The following ZZEF1 variants were observed in gnomAD, a reference collection of about 807,000 sequenced individuals.
The protein encoded by ZZEF1 is zinc finger ZZ-type and EF-hand domain containing 1.
ZZEF1 carries 157 observed loss-of-function variants against 342.8 expected under a neutral mutation model. The ratio of observed to expected loss-of-function variants is 0.46; its 90% CI spans 0.40 to 0.52. ZZEF1 has a LOEUF of 0.52. Among genes scored for constraint, ZZEF1 ranks in the 20% least tolerant of loss-of-function variants. The pLI is 0.00. For missense variants in ZZEF1, 3,480 were observed against 3,725.6 expected (o/e 0.93, Z 1.72); for synonymous variants, 1,505 against 1,429.1 (o/e 1.05, Z -1.20).
At chr17:4,042,683 A>C in intron 38 of ZZEF1, 115 bp from the exon 39 acceptor site, 2 of 1,189,376 alleles carry the variant, frequency 1.7e-6, no homozygotes, top group Non-Finnish European at 2.3e-6. Flanking sequence ...GATTTTATTC[A>C]TTTATTTTTT....
chr17:4,012,171 T>G (rs142077261), intron 52 of ZZEF1, among the ~76,000 whole-genome samples: 1 of 152,338 alleles, frequency 6.6e-6, no homozygotes, highest in East Asian at 1.9e-4. Context: ...GTTCCATGTT[T>G]CATAAGCACT....
chr17:4,024,841 C>T, intron 43 of ZZEF1, 78 bp downstream of exon 43: 3 of 1,362,358 alleles, frequency 2.2e-6, no homozygotes, highest in South Asian at 1.2e-5. Context: ...AATCAGATGG[C>T]ATTTCCTCCT....
intron 23 of ZZEF1, among the ~76,000 whole-genome samples, 159 bp downstream of exon 23, chr17:4,074,938 G>C (rs1011525970): frequency 1.3e-5 from 2 of 152,236 alleles, no homozygotes; most frequent in African/African-American, 4.8e-5. Context: ...ACAGGTGACA[G>C]ACTATAGCTG....
chr17:4,009,199 T>C (rs1345123077), intron 53 of ZZEF1: 1 of 583,236 alleles, frequency 1.7e-6, no homozygotes, highest in African/African-American at 1.9e-5. Context: ...CTCAAGCCAG[T>C]TTCCTCATGT....
chr17:4,048,484 C>A (rs1477077400), intron 37 of ZZEF1, among the ~76,000 whole-genome samples: 1 of 152,170 alleles, frequency 6.6e-6, no homozygotes, highest in African/African-American at 2.4e-5. Flanking sequence ...AGCAGAAACA[C>A]AAGCTCTGGA....
intron 7 of ZZEF1, 83 bp downstream of exon 7, chr17:4,105,610 T>G: frequency 9.5e-7 from 1 of 1,051,342 alleles, no homozygotes; most frequent in South Asian, 1.4e-5. Flanking sequence ...CGTTAAAAGA[T>G]TAATATATAT....
At chr17:4,064,853 TTG>T in intron 28 of ZZEF1, 24 bp from the exon 29 acceptor site, 10 of 1,370,894 alleles carry the variant, frequency 7.3e-6, no homozygotes, top group Admixed American at 5.3e-5. Context: ...AGAATCATAA[TTG>T]AAAAAAAAAA....
At chr17:4,009,491 G>C in intron 53 of ZZEF1, 113 bp downstream of exon 53, 8 of 1,467,558 alleles carry the variant, frequency 5.5e-6, no homozygotes, top group Non-Finnish European at 7.5e-6. Context: ...TGTGTGGCCT[G>C]TCGAGACCCT....
At chr17:4,114,155 T>G (rs1410125844) in intron 4 of ZZEF1, 144 bp downstream of exon 4, 2 of 550,214 alleles carry the variant, frequency 3.6e-6, no homozygotes, top group African/African-American at 3.9e-5. Context: ...TAGGAATATA[T>G]AAGCCAGGTT....
chr17:4,013,609 C>G lies in ZZEF1; in HGVS notation c.8419G>C (p.Glu2807Gln). Residue 2807 changes from glutamate to glutamine, a missense_variant, in exon 52 of 55, where the codon GAG becomes CAG. This residue lies in a region of ZZEF1 where 1,269 missense variants were observed against 1,342.4 expected (regional missense o/e 0.95). Coordinates refer to ENST00000381638, the MANE Select transcript of ZZEF1 (RefSeq NM_015113.4). ...TCTGACAACATCTGCTTCAAAATCT[C>G]GAATCCTGGCCAACACCCCAAAACA... ...GHLGRFQTGF[E>Q]ILKQMLSEER... is the part of the protein sequence containing the mutation. 3 of 1,611,574 alleles carry G rather than the reference C, an allele frequency of 1.9e-6. No homozygotes were observed. The South Asian group carries it at 3.3e-5, about 18-fold the overall frequency.
chr17:4,059,328 A>T (rs1177515420), intron 30 of ZZEF1, 38 bp from the exon 31 acceptor site: 1 of 1,579,858 alleles, frequency 6.3e-7, no homozygotes, highest in South Asian at 1.2e-5. Flanking sequence ...CTTAATTGCC[A>T]GAACATCTTT....
At chr17:4,054,307 G>GT in intron 33 of ZZEF1, 112 bp from the exon 34 acceptor site, 1 of 1,216,134 alleles carries the variant, frequency 8.2e-7, no homozygotes, top group South Asian at 1.6e-5. Flanking sequence ...ATTGTACTAA[G>GT]TGCTAGGATT....
At chr17:4,035,125 A>G (rs2056632762) in intron 39 of ZZEF1, among the ~76,000 whole-genome samples, 1 of 152,208 alleles carries the variant, frequency 6.6e-6, no homozygotes, top group South Asian at 2.1e-4. Flanking sequence ...ACTTATTAAT[A>G]CTTTGTTTCC....
chr17:4,032,860 A>G lies in ZZEF1; in HGVS notation c.6727T>C (p.Phe2243Leu), dbSNP rs2056579085. 2.5e-6 allele frequency: 4 copies of G among 1,614,200 alleles called. No individual in the cohort carries two copies. Among genetic ancestry groups the G allele is most frequent in the Non-Finnish European group, 3.4e-6 (4 of 1,180,022 alleles). Residue 2243 changes from phenylalanine to leucine, a missense_variant, in exon 41 of 55, where the codon TTC (phenylalanine) becomes CTC (leucine). Around this residue, in one of 5 missense-constraint regions of ZZEF1, gnomAD observed 1,269 missense variants for 1,342.4 expected, o/e 0.95. Coordinates refer to ENST00000381638, the MANE Select transcript of ZZEF1 (RefSeq NM_015113.4). ...LPFQLKHTNI[F>L]TLLVLVGFPQ... ...AAGCCAACCAGCACGAGCAGGGTGA[A>G]GATGTTGGTGTGCTTCAGCTGGAAT...
chr17:4,032,114 T>C lies in ZZEF1; in HGVS notation c.6892+12A>G. On this transcript the variant is annotated intron_variant, in intron 42 of 54. Transcript: ENST00000381638. Reference sequence around the variant, plus strand: ...TCTTCCATTCTTAGAAAAAAATAATTACGCATGGTACCTGTTTTCCTCTTC... The same window carrying C: ...TCTTCCATTCTTAGAAAAAAATAATCACGCATGGTACCTGTTTTCCTCTTC... 2 of 1,601,752 alleles carry C rather than the reference T, an allele frequency of 1.2e-6. No homozygotes were observed. Among genetic ancestry groups the C allele is most frequent in the South Asian group, 1.1e-5 (1 of 88,680 alleles).
intron 16 of ZZEF1, among the ~76,000 whole-genome samples, chr17:4,085,227 G>A (rs2057796800): frequency 6.6e-6 from 1 of 152,124 alleles, no homozygotes; most frequent in Admixed American, 6.6e-5. Flanking sequence ...GGGGAAAGGA[G>A]GAAAGGGGGG....
chr17:4,124,698 TC>T (rs1196929670), intron 1 of ZZEF1, among the ~76,000 whole-genome samples: 1 of 151,292 alleles, frequency 6.6e-6, no homozygotes, highest in Non-Finnish European at 1.5e-5. Flanking sequence ...CCTCAGGTGA[TC>T]CGCCCACCTC....
At chr17:4,092,698 A>G (rs2057967538) in intron 11 of ZZEF1, among the ~76,000 whole-genome samples, 1 of 152,198 alleles carries the variant, frequency 6.6e-6, no homozygotes, top group South Asian at 2.1e-4. Context: ...CTTAAGCCAA[A>G]ACCATGTCAA....
chr17:4,122,980 T>C (rs2058508858), intron 2 of ZZEF1, among the ~76,000 whole-genome samples: 1 of 147,350 alleles, frequency 6.8e-6, no homozygotes, highest in African/African-American at 2.5e-5. Flanking sequence ...AGAGCAGTGG[T>C]GCGATCTCGG....
Sources: gnomAD v4.1 joint callset for allele counts (sites outside exome capture counted in the v4.1 genomes callset) on GRCh38, gnomAD v4.1.1 for gene constraint, gnomAD v4.1.1 regional missense constraint, MANE v1.5 for transcripts, NCBI Gene and HGNC (gene_info 2026-07-23, HGNC 2026-07-21) for gene names.